The following CPEB3 variants were observed in gnomAD, a reference collection of about 807,000 sequenced individuals.
CPEB3 encodes cytoplasmic polyadenylation element binding protein 3.
In CPEB3, 20 loss-of-function variants were observed where a neutral mutation model predicts 67.2. The ratio of observed to expected loss-of-function variants is 0.30; its 90% CI spans 0.21 to 0.43. The LOEUF is 0.43. CPEB3 is among the 20% of genes least tolerant of loss of function. The pLI, the probability that CPEB3 is intolerant of heterozygous loss-of-function variation, is 1.00. For missense variants in CPEB3, 746 were observed against 968.6 expected, an observed-to-expected ratio of 0.77 and a Z score of 3.05; for synonymous variants, 376 against 393.1, an observed-to-expected ratio of 0.96 and a Z score of 0.51.
At chr10:92,062,212 T>A in intron 9 of CPEB3, among the ~76,000 whole-genome samples, 1 of 125,704 alleles carries the variant, frequency 8.0e-6, no homozygotes, top group Non-Finnish European at 1.6e-5. Context: ...ACCACTGCAC[T>A]CCAGCCTGAG....
intron 5 of CPEB3, among the ~76,000 whole-genome samples, chr10:92,143,366 A>T (rs1340931987): frequency 2.0e-5 from 3 of 152,230 alleles, no homozygotes; most frequent in African/African-American, 7.2e-5. Context: ...AATAAACTTG[A>T]CATAAAGAAT....
intron 8 of CPEB3, among the ~76,000 whole-genome samples, chr10:92,083,265 A>G (rs2133230122): frequency 6.6e-6 from 1 of 152,340 alleles, no homozygotes; most frequent in African/African-American, 2.4e-5. Flanking sequence ...AGTAAGTGCT[A>G]TTAAAGACAG....
At chr10:92,161,415 G>A (rs1376895349) in intron 4 of CPEB3, among the ~76,000 whole-genome samples, 1 of 151,858 alleles carries the variant, frequency 6.6e-6, no homozygotes, top group Non-Finnish European at 1.5e-5. Context: ...GGGATTACAG[G>A]TGCCTGCCAC....
intron 7 of CPEB3, among the ~76,000 whole-genome samples, chr10:92,103,564 C>T (rs932550363): frequency 8.5e-5 from 13 of 152,214 alleles, no homozygotes; most frequent in African/African-American, 3.1e-4. Context: ...GGCTACTGGC[C>T]ACCAGTCACA....
In CPEB3 at chr10:92,240,008, T is replaced by C. The variant is rs756219953; in HGVS notation, c.343A>G (p.Thr115Ala). The C allele has an allele frequency of 3.7e-6, 6 of 1,609,486 alleles. No individual in the cohort carries two copies. The highest frequency in any genetic ancestry group is 5.1e-6 in the Non-Finnish European group (6 of 1,178,242). Reference protein sequence around the residue: ...PSFGSTWSTGTTNAVEDSFFQ... With the variant: ...PSFGSTWSTGATNAVEDSFFQ... ...AAGCTGTCCTCTACCGCGTTGGTGG[T>C]GCCCGTGGACCAGGTGCTGCCGAAG... Residue 115 changes from threonine (T) to alanine (A), a missense_variant, in exon 2 of 10, where the codon ACC becomes GCC. Physicochemically the swap from Thr to Ala is moderately conservative, Grantham distance 58. Around this residue, in one of 2 missense-constraint regions of CPEB3, gnomAD observed 643 missense variants for 717.5 expected, o/e 0.90. Transcript: ENST00000265997.
intron 2 of CPEB3, among the ~76,000 whole-genome samples, chr10:92,226,412 T>A (rs1850976576): frequency 6.6e-6 from 1 of 152,224 alleles, no homozygotes; most frequent in Non-Finnish European, 1.5e-5. Flanking sequence ...TTAATTCCTA[T>A]CAGCCTTACA....
intron 1 of CPEB3, among the ~76,000 whole-genome samples, chr10:92,263,467 G>A (rs1041737613): frequency 1.3e-5 from 2 of 152,342 alleles, no homozygotes; most frequent in African/African-American, 4.8e-5. Flanking sequence ...AGATCGTCCA[G>A]TGGATGGGAT....
chr10:92,280,343 CAAAAAA>C (rs60338900), intron 1 of CPEB3, among the ~76,000 whole-genome samples: 3 of 37,806 alleles, frequency 7.9e-5, no homozygotes, highest in South Asian at 1.5e-3. Context: ...AACTCCATCT[CAAAAAA>C]AAAAAAAAAA....
intron 1 of CPEB3, among the ~76,000 whole-genome samples, chr10:92,248,674 A>G (rs1445502720): frequency 1.3e-5 from 2 of 152,194 alleles, no homozygotes; most frequent in Non-Finnish European, 2.9e-5. Context: ...GGAGTGGTAT[A>G]AAATAGAAAA....
At chr10:92,163,592 G>C (rs1325287671) in intron 4 of CPEB3, among the ~76,000 whole-genome samples, 1 of 152,094 alleles carries the variant, frequency 6.6e-6, no homozygotes, top group East Asian at 1.9e-4. Context: ...CTTAAGATGG[G>C]TTAAGACCTT....
chr10:92,234,518 G>C (rs1281551167), intron 2 of CPEB3, among the ~76,000 whole-genome samples: 1 of 152,196 alleles, frequency 6.6e-6, no homozygotes, highest in Non-Finnish European at 1.5e-5. Flanking sequence ...ATGTCCTAGA[G>C]ACAGAATAGT....
intron 2 of CPEB3, among the ~76,000 whole-genome samples, chr10:92,210,713 A>G (rs1850036625): frequency 6.6e-6 from 1 of 152,242 alleles, no homozygotes; most frequent in African/African-American, 2.4e-5. Flanking sequence ...TGTTGATAAC[A>G]TCTATACTAA....
At chr10:92,186,734 C>T (rs1327083370) in intron 3 of CPEB3, among the ~76,000 whole-genome samples, 3 of 152,076 alleles carry the variant, frequency 2.0e-5, no homozygotes, top group Non-Finnish European at 2.9e-5. Context: ...CATGCCTGGC[C>T]GCTAAAAACT....
intron 1 of CPEB3, among the ~76,000 whole-genome samples, chr10:92,254,672 AG>A: frequency 6.6e-6 from 1 of 152,076 alleles, no homozygotes; most frequent in East Asian, 1.9e-4. Context: ...CTTTTTATAC[AG>A]ACAGAGTCTT....
chr10:92,275,845 C>CTTTTTTTTTT (rs909549413), intron 1 of CPEB3, among the ~76,000 whole-genome samples: 37 of 92,948 alleles, frequency 4.0e-4, no homozygotes, highest in East Asian at 1.0e-3. Context: ...TCATTCTTTT[C>CTTTTTTTTTT]TTTTTTTTTT....
intron 2 of CPEB3, among the ~76,000 whole-genome samples, chr10:92,211,290 A>C (rs1850069546): frequency 6.6e-6 from 1 of 152,198 alleles, no homozygotes; most frequent in Non-Finnish European, 1.5e-5. Context: ...TAATTTATCA[A>C]GTATCCAAGA....
chr10:92,105,916 G>A (rs1296722483), intron 7 of CPEB3, among the ~76,000 whole-genome samples: 2 of 150,210 alleles, frequency 1.3e-5, no homozygotes, highest in Admixed American at 6.6e-5. Context: ...TTTATGAGAT[G>A]GAGTCTCACT....
At chr10:92,258,667 T>C (rs1262130786) in intron 1 of CPEB3, among the ~76,000 whole-genome samples, 2 of 113,810 alleles carry the variant, frequency 1.8e-5, no homozygotes, top group African/African-American at 3.1e-5. Flanking sequence ...TATATATATA[T>C]ATATATATAT....
At chr10:92,083,470 T>G (rs1400290911) in intron 8 of CPEB3, among the ~76,000 whole-genome samples, 1 of 152,172 alleles carries the variant, frequency 6.6e-6, no homozygotes, top group African/African-American at 2.4e-5. Flanking sequence ...TTATACTTCA[T>G]CCCAACAACC....
Sources: allele counts gnomAD v4.1 joint callset (sites outside exome capture counted in the v4.1 genomes callset), GRCh38; gene constraint gnomAD v4.1.1; regional missense constraint gnomAD v4.1.1; transcripts MANE v1.5; gene names NCBI Gene and HGNC (gene_info 2026-07-23, HGNC 2026-07-21).